The following MAF variants were observed in gnomAD, a reference collection of about 807,000 sequenced individuals.
MAF encodes transcription factor Maf.
MAF carries 10 observed loss-of-function variants against 22.0 expected under a neutral mutation model. The ratio of observed to expected loss-of-function variants is 0.45; its 90% confidence interval spans 0.28 to 0.77. The LOEUF is 0.77. Ranked by LOEUF, MAF falls within the 30% of genes least tolerant of loss-of-function variation. The pLI is 0.12. For missense variants in MAF, 544 were observed against 548.4 expected, an observed-to-expected ratio of 0.99 and a Z score of 0.08; for synonymous variants, 337 against 255.8, an observed-to-expected ratio of 1.32 and a Z score of -3.03.
chr16:79,556,973 C>A, the MAF span, among the ~76,000 whole-genome samples: 6 of 130,984 alleles, frequency 4.6e-5, no homozygotes, highest in East Asian at 2.0e-4. Flanking sequence ...ATACAACATA[C>A]AACAAGCTTT....
the MAF span, among the ~76,000 whole-genome samples, chr16:79,471,670 C>G: frequency 2.6e-5 from 4 of 152,148 alleles, no homozygotes; most frequent in African/African-American, 9.7e-5. Context: ...CGGCAAGGCA[C>G]TGTCTCAGAA....
At chr16:79,309,269 G>T in the MAF span, among the ~76,000 whole-genome samples, 3 of 152,166 alleles carry the variant, frequency 2.0e-5, no homozygotes, top group African/African-American at 7.2e-5. Flanking sequence ...CTTGAGCTAT[G>T]ACCAGCTGCT....
At chr16:79,430,980 T>C in the MAF span, among the ~76,000 whole-genome samples, 1 of 152,192 alleles carries the variant, frequency 6.6e-6, no homozygotes, top group East Asian at 1.9e-4. Flanking sequence ...ACTTCCCTCT[T>C]TTCTACTAGC....
At chr16:79,570,305 C>G in the MAF span, among the ~76,000 whole-genome samples, 2 of 152,124 alleles carry the variant, frequency 1.3e-5, no homozygotes, top group Non-Finnish European at 2.9e-5. Context: ...GTTATCCCCC[C>G]ATCCCTCCTC....
chr16:79,422,429 C>T, the MAF span, among the ~76,000 whole-genome samples: 5 of 152,260 alleles, frequency 3.3e-5, no homozygotes, highest in South Asian at 1.0e-3. Flanking sequence ...CCGGGGACCC[C>T]AGAGTCTTGG....
the MAF span, among the ~76,000 whole-genome samples, chr16:79,267,565 C>T: frequency 1.2e-4 from 18 of 152,170 alleles, 1 homozygote; most frequent in African/African-American, 9.7e-5. Flanking sequence ...GAATGGCTCA[C>T]GGCCAATCAG....
At chr16:79,447,891 CAAAAA>C in the MAF span, among the ~76,000 whole-genome samples, 2 of 72,638 alleles carry the variant, frequency 2.8e-5, no homozygotes, top group African/African-American at 1.5e-4. Context: ...GATTCCATCT[CAAAAA>C]AAAAAAAAAA....
At chr16:79,418,698 C>A in the MAF span, among the ~76,000 whole-genome samples, 1 of 152,138 alleles carries the variant, frequency 6.6e-6, no homozygotes, top group Non-Finnish European at 1.5e-5. Flanking sequence ...ACATGATCCC[C>A]GGGCGCCTAC....
chr16:79,375,761 C>A, the MAF span, among the ~76,000 whole-genome samples: 1 of 152,144 alleles, frequency 6.6e-6, no homozygotes, highest in Admixed American at 6.5e-5. Context: ...AGTTTACACC[C>A]AATGAAATAA....
the MAF span, among the ~76,000 whole-genome samples, chr16:79,560,600 T>C: frequency 1.3e-4 from 19 of 151,836 alleles, no homozygotes; most frequent in Non-Finnish European, 2.6e-4. Flanking sequence ...TCTTTCTGAA[T>C]CTCCCTTACC....
chr16:79,317,415 C>T, the MAF span, among the ~76,000 whole-genome samples: 1 of 146,452 alleles, frequency 6.8e-6, no homozygotes, highest in Non-Finnish European at 1.5e-5. Context: ...TCTCTCCCTC[C>T]CTCCTTTCTC....
chr16:79,498,551 C>T, the MAF span, among the ~76,000 whole-genome samples: 1 of 152,178 alleles, frequency 6.6e-6, no homozygotes, highest in East Asian at 1.9e-4. Flanking sequence ...TTACCTGGTG[C>T]CCACCACTGT....
At chr16:79,448,917 A>C in the MAF span, among the ~76,000 whole-genome samples, 5 of 152,140 alleles carry the variant, frequency 3.3e-5, no homozygotes, top group Non-Finnish European at 7.4e-5. Flanking sequence ...CTTCAAGCAC[A>C]TTACATTTAT....
the MAF span, among the ~76,000 whole-genome samples, chr16:79,274,703 C>A: frequency 6.6e-6 from 1 of 152,132 alleles, no homozygotes; most frequent in Non-Finnish European, 1.5e-5. Context: ...GTCTTTGTAC[C>A]ATCAGCAGTC....
At chr16:79,511,041 G>A in the MAF span, among the ~76,000 whole-genome samples, 182 of 152,300 alleles carry the variant, frequency 1.2e-3, 1 homozygote, top group Non-Finnish European at 2.2e-3. Flanking sequence ...CCACTGCAGC[G>A]GCAGCTGGGA....
At chr16:79,529,339 C>T in the MAF span, among the ~76,000 whole-genome samples, 1 of 152,136 alleles carries the variant, frequency 6.6e-6, no homozygotes, top group Admixed American at 6.5e-5. Context: ...AACTATGTAG[C>T]TATTCAGAGT....
At chr16:79,280,357 G>C in the MAF span, among the ~76,000 whole-genome samples, 1,182 of 152,312 alleles carry the variant, frequency 7.8e-3, 18 homozygotes, top group African/African-American at 0.027. Context: ...TTTGAAAAGG[G>C]CAAATCCAAC....
chr16:79,284,246 G>A, the MAF span, among the ~76,000 whole-genome samples: 1 of 152,138 alleles, frequency 6.6e-6, no homozygotes, highest in Non-Finnish European at 1.5e-5. Context: ...CCTTTGGTAT[G>A]AAGGTCTTGA....
chr16:79,230,442 C>T, the MAF span, among the ~76,000 whole-genome samples: 1 of 152,148 alleles, frequency 6.6e-6, no homozygotes, highest in African/African-American at 2.4e-5. Flanking sequence ...CCAGCCTAGA[C>T]CCTGCCCTTG....
Sources: allele counts gnomAD v4.1 joint callset (sites outside exome capture counted in the v4.1 genomes callset), GRCh38; gene constraint gnomAD v4.1.1; transcripts MANE v1.5; gene names NCBI Gene and HGNC (gene_info 2026-07-23, HGNC 2026-07-21).